Variants in MPRIP observed in about 807,000 individuals in gnomAD.
MPRIP encodes myosin phosphatase Rho-interacting protein.
In MPRIP, 59 loss-of-function variants were observed where a neutral mutation model predicts 234.9. The ratio of observed to expected loss-of-function variants is 0.25; its 90% CI spans 0.20 to 0.31. The LOEUF is 0.31. Among genes scored for constraint, MPRIP ranks in the 10% least tolerant of loss-of-function variants. The pLI, the probability that MPRIP is intolerant of heterozygous loss-of-function variation, is 1.00. For synonymous variants in MPRIP, 1,144 were observed against 1,263.9 expected (o/e 0.91, Z 2.01); for missense variants, 2,436 against 3,071.0 (o/e 0.79, Z 4.89).
chr17:17,168,980 C>G (rs2046070149), intron 16 of MPRIP: 1 of 456,878 alleles, frequency 2.2e-6, no homozygotes, highest in African/African-American at 2.0e-5. Flanking sequence ...TGAATGGAAA[C>G]AGCAGCTCAC....
chr17:17,115,463 G>A (rs2090265847), intron 3 of MPRIP, among the ~76,000 whole-genome samples: 1 of 152,240 alleles, frequency 6.6e-6, no homozygotes, highest in South Asian at 2.1e-4. Context: ...TTCTCGTGAT[G>A]GAGCCATGAA....
Position 17,177,232 on chromosome 17 carries a change from T to C in MPRIP, c.6958-18T>C, listed in dbSNP as rs2046274627. On this transcript the variant is annotated intron_variant, in intron 21 of 23. Coordinates refer to ENST00000651222, the MANE Select transcript of MPRIP (RefSeq NM_001364716.4). ...TTTCCTGGATGTAACTACCATTCTCTGTCATTTCACTCCCAAGGACAAGAA... is the reference window on the plus strand; with the variant it reads ...TTTCCTGGATGTAACTACCATTCTCCGTCATTTCACTCCCAAGGACAAGAA... 1 of 1,607,870 alleles carries C rather than the reference T, an allele frequency of 6.2e-7. No individual in the cohort carries two copies. Among genetic ancestry groups the C allele is most frequent in the Non-Finnish European group, 8.5e-7 (1 of 1,175,160 alleles).
intron 3 of MPRIP, among the ~76,000 whole-genome samples, chr17:17,119,040 A>T (rs1333925733): frequency 6.6e-6 from 1 of 152,170 alleles, no homozygotes; most frequent in Non-Finnish European, 1.5e-5. Flanking sequence ...TGAGCCAGCC[A>T]CACAGCCCCC....
At position 17,138,191 on chromosome 17, in the gene MPRIP, A is replaced by T; in HGVS notation, c.1012A>T (p.Ser338Cys). Reference sequence around the variant, plus strand: ...CTCCCTCAGCTCCCTGGATGTGGCCAGCCAGCCACCTGCCTACGTGGACTC... The same window carrying T: ...CTCCCTCAGCTCCCTGGATGTGGCCTGCCAGCCACCTGCCTACGTGGACTC... ...SISLSSLDVASQPPAYVDSGS... is the reference protein window; with the variant it reads ...SISLSSLDVACQPPAYVDSGS... The change falls in exon 7 of 24, where the codon AGC becomes TGC. Residue 338 changes from serine (S) to cysteine (C), a missense_variant. This residue lies in a region of MPRIP where 267 missense variants were observed against 252.7 expected (regional missense o/e 1.06). Coordinates refer to ENST00000651222, the MANE Select transcript of MPRIP (RefSeq NM_001364716.4). The surrounding 1 kb of genome is among the most constrained non-coding windows in gnomAD (Gnocchi z 5.8). 3.1e-6 allele frequency: 3 copies of T among 964,474 alleles called. No homozygotes were observed. Among genetic ancestry groups the T allele is most frequent in the Non-Finnish European group, 4.5e-6 (3 of 664,052 alleles). 59.7% of individuals were successfully genotyped at this position (964,474 alleles called of 1,614,324 possible).
At chr17:17,107,353 G>A (rs966564672) in intron 3 of MPRIP, among the ~76,000 whole-genome samples, 2 of 152,246 alleles carry the variant, frequency 1.3e-5, no homozygotes, top group African/African-American at 2.4e-5. Flanking sequence ...GGGCAGGGCG[G>A]GGACTTCAAG....
chr17:17,165,741 C>T lies in MPRIP; in HGVS notation c.4150C>T (p.His1384Tyr). The T allele has an allele frequency of 7.7e-7, 1 of 1,304,944 alleles. No individual in the cohort carries two copies. Among genetic ancestry groups the T allele is most frequent in the Non-Finnish European group, 1.0e-6 (1 of 988,988 alleles). The allele number at this position is 1,304,944 out of a possible 1,614,324, so 80.8% of individuals were successfully genotyped here. Residue 1384 changes from histidine (H) to tyrosine (Y), a missense_variant, in exon 16 of 24, where the codon CAC (histidine) becomes TAC (tyrosine). Physicochemically the swap from His to Tyr is moderately conservative, Grantham distance 83. Around this residue, in one of 4 missense-constraint regions of MPRIP, gnomAD observed 1,998 missense variants for 2,520.3 expected, o/e 0.79. Coordinates refer to ENST00000651222, the MANE Select transcript of MPRIP (RefSeq NM_001364716.4). ...CTCTGACACGTACCTCTCCATCATC[C>T]ACTCCCTGGAGACCAAGCTCTACGT... ...GDSDTYLSII[H>Y]SLETKLYVTE...
In MPRIP at chr17:17,138,127, C is replaced by A; in HGVS notation, c.948C>A (p.Ser316=). 1 of 1,485,954 alleles carries A rather than the reference C, an allele frequency of 6.7e-7. No individual in the cohort carries two copies. Among genetic ancestry groups the A allele is most frequent in the East Asian group, 2.4e-5 (1 of 40,978 alleles). The allele number at this position is 1,485,954 out of a possible 1,614,324, so 92.0% of individuals were successfully genotyped here. The change falls in exon 7 of 24, where the codon TCC becomes TCA. Residue 316 remains serine, a synonymous_variant. Transcript: ENST00000651222. The surrounding 1 kb of genome is among the most constrained non-coding windows in gnomAD (Gnocchi z 5.8). ...AGGAGCTCGGTGGTCCTCTTCCTTC[C>A]CCAGGTCCTCGACTCCCCCACCAAA... The part of the protein sequence containing the change: ...PSQELGGPLP[S]PGPRLPHQMV...
At chr17:17,106,924 C>T (rs923453703) in intron 3 of MPRIP, among the ~76,000 whole-genome samples, 5 of 152,200 alleles carry the variant, frequency 3.3e-5, no homozygotes, top group East Asian at 1.9e-4. Flanking sequence ...TCCAAGATAA[C>T]GACTTCTTTC....
rs553154199 is a variant in MPRIP at position 17,164,736 on chromosome 17, G to A, written c.3145G>A (p.Ala1049Thr). ...NLKEVEDKAS[A>T]YEDQLQGQAQ... ...AAAGGAAGTGGAAGACAAGGCCAGC[G>A]CCTATGAGGACCAGCTGCAGGGTCA... Residue 1049 changes from alanine to threonine, a missense_variant, in exon 16 of 24, where the codon GCC becomes ACC. Transcript: ENST00000651222. 5.4e-6 allele frequency: 7 copies of A among 1,301,984 alleles called. No homozygotes were observed. The highest frequency in any genetic ancestry group is 1.2e-5 in the South Asian group (1 of 80,728). 80.7% of individuals were successfully genotyped at this position (1,301,984 alleles called of 1,614,324 possible). A position where few individuals can be genotyped will look rare whatever the true frequency, so the allele number is the denominator to read the frequency against.
intron 13 of MPRIP, 42 bp downstream of exon 13, chr17:17,154,457 T>C: frequency 6.4e-7 from 1 of 1,555,618 alleles, no homozygotes; most frequent in Non-Finnish European, 8.9e-7. Context: ...GTGCCTCTTG[T>C]GGGTGCCACT....
chr17:17,078,294 AGAGGAAGAAG>A lies in MPRIP; in HGVS notation c.267+219_267+228del, dbSNP rs2089382969. On this transcript the variant is annotated intron_variant, in intron 3 of 23. Transcript: ENST00000651222. The surrounding 1 kb of genome is among the most constrained non-coding windows in gnomAD (Gnocchi z 4.3). ...ACATCATCTTCTGTGGTCTTGAGTG[AGAGGAAGAAG>A]TGAGGGAGGAAGTCATTTCTGTTGA... Among the ~76,000 whole-genome samples, 1 of 139,504 alleles carries A rather than the reference AGAGGAAGAAG, an allele frequency of 7.2e-6. No individual in the cohort carries two copies. Among genetic ancestry groups the A allele is most frequent in the African/African-American group, 3.3e-5 (1 of 30,530 alleles). The allele number at this position is 139,504 out of a possible 152,430, so 91.5% of individuals were successfully genotyped here.
chr17:17,126,906 C>T, intron 4 of MPRIP, 53 bp downstream of exon 4: 1 of 1,585,776 alleles, frequency 6.3e-7, no homozygotes. Context: ...ACAGGGCCAA[C>T]ACCAGATGGG....
In MPRIP at chr17:17,176,419, A is replaced by G. The variant is rs1450585764; in HGVS notation, c.6871-7A>G. On this transcript the variant is annotated splice_polypyrimidine_tract_variant and splice_region_variant and intron_variant, in intron 20 of 23. Coordinates refer to ENST00000651222, the MANE Select transcript of MPRIP (RefSeq NM_001364716.4). ...AATATTGGTCCCTGATCTCTCTGTC[A>G]TTTTAGGTCTTATTGCGGGTAAAGG... is the stretch of plus-strand genomic sequence containing the variant. 10 of 1,610,572 alleles carry G rather than the reference A, an allele frequency of 6.2e-6. No homozygotes were observed. Among genetic ancestry groups the G allele is most frequent in the Non-Finnish European group, 7.6e-6 (9 of 1,176,904 alleles).
intron 3 of MPRIP, among the ~76,000 whole-genome samples, chr17:17,099,604 A>G (rs116989770): frequency 0.018 from 2,712 of 152,264 alleles, 30 homozygotes; most frequent in Non-Finnish European, 0.028. Flanking sequence ...GTGCATACCT[A>G]TAGTCCTAGC....
At chr17:17,090,467 C>T (rs1250277252) in intron 3 of MPRIP, among the ~76,000 whole-genome samples, 5 of 152,126 alleles carry the variant, frequency 3.3e-5, no homozygotes, top group Non-Finnish European at 7.3e-5. Context: ...CAGGGTTGCA[C>T]CTGGTGGCTG....
intron 3 of MPRIP, among the ~76,000 whole-genome samples, chr17:17,091,190 GA>G (rs1206851682): frequency 1.3e-5 from 2 of 152,092 alleles, no homozygotes; most frequent in African/African-American, 4.8e-5. Context: ...ACCCACCGAG[GA>G]CGACCATATA....
In MPRIP at chr17:17,126,265, C is replaced by T. The variant is rs533412494; in HGVS notation, c.268-437C>T. 5.3e-5 allele frequency among the ~76,000 whole-genome samples: 8 copies of T among 152,338 alleles called. No homozygotes were observed. The East Asian group carries it at 9.6e-4, about 18-fold the overall frequency. ...AAGAAGGCACAGTGCACCCACCCCA[C>T]AGCCTGCTCTCAAGGATGTGGCTTC... On this transcript the variant is annotated intron_variant, in intron 3 of 23. Transcript: ENST00000651222.
rs923763688 is a variant in MPRIP at position 17,191,883 on chromosome 17, C to T, written c.*6989C>T. ...TAGGATTTACCTTTAGTATTAACAACGTATCTACTGACATACTGTTAGGAT... is the reference window on the plus strand; with the variant it reads ...TAGGATTTACCTTTAGTATTAACAATGTATCTACTGACATACTGTTAGGAT... On this transcript the variant is annotated 3_prime_UTR_variant, in exon 24 of 24. Transcript: ENST00000651222. The T allele has an allele frequency of 3.9e-5, 6 of 152,192 alleles. No homozygotes were observed. The highest frequency in any genetic ancestry group is 1.3e-4 in the Admixed American group (2 of 15,290). The allele number at this position is 152,192 out of a possible 1,614,324, so 9.4% of individuals were successfully genotyped here.
intron 11 of MPRIP, 97 bp from the exon 12 acceptor site, chr17:17,150,041 TTAAAAG>T (rs2045565807): frequency 6.0e-6 from 5 of 833,022 alleles, no homozygotes; most frequent in Admixed American, 1.8e-5. Context: ...GTGTATACTA[TTAAAAG>T]TAAAGTCAGT....
Sources: allele counts gnomAD v4.1 joint callset (sites outside exome capture counted in the v4.1 genomes callset), GRCh38; gene constraint gnomAD v4.1.1; regional missense constraint gnomAD v4.1.1; non-coding constraint Gnocchi (gnomAD v3.1); transcripts MANE v1.5; gene names NCBI Gene and HGNC (gene_info 2026-07-23, HGNC 2026-07-21).